The following ACAD9 variants were observed in gnomAD, a reference collection of about 807,000 sequenced individuals.
ACAD9 encodes the protein acyl-CoA dehydrogenase family member 9, also known as complex I assembly factor ACAD9, mitochondrial.
Under a neutral mutation model 70.2 loss-of-function variants are expected in ACAD9, and 53 were observed. The observed-to-expected ratio is 0.75, with a 90% CI of 0.61 to 0.95. The LOEUF (loss-of-function observed/expected upper bound fraction) is 0.95, where lower values mean the gene tolerates loss of function less well. ACAD9 is among the 40% of genes least tolerant of loss of function. The probability of loss-of-function intolerance (pLI) is 0.00; values close to 1 mark genes in which losing one functional copy is unlikely to be tolerated. For missense variants in ACAD9, 777 were observed against 802.8 expected, an observed-to-expected ratio of 0.97 and a Z score of 0.39; for synonymous variants, 313 against 312.1, an observed-to-expected ratio of 1.00 and a Z score of -0.03.
intron 12 of ACAD9, among the ~76,000 whole-genome samples, chr3:128,906,605 C>T (rs527825254): frequency 1.4e-4 from 22 of 152,272 alleles, no homozygotes; most frequent in East Asian, 5.8e-4. Context: ...GTGAAGCATG[C>T]GCTCCTGGCC....
intron 2 of ACAD9, 64 bp from the exon 3 acceptor site, chr3:128,893,491 C>T (rs756854166): frequency 2.1e-5 from 26 of 1,233,980 alleles, no homozygotes; most frequent in Non-Finnish European, 3.1e-5. Context: ...AAACACTGTC[C>T]TGTTTACTTA....
chr3:128,892,783 C>T (rs1021028263), intron 2 of ACAD9, among the ~76,000 whole-genome samples: 1 of 152,200 alleles, frequency 6.6e-6, no homozygotes, highest in African/African-American at 2.4e-5. Context: ...AACCTTGGCC[C>T]AGATACTGCC....
intron 6 of ACAD9, 124 bp downstream of exon 6, chr3:128,897,834 G>C (rs773429161): frequency 8.6e-5 from 76 of 879,644 alleles, no homozygotes; most frequent in Non-Finnish European, 1.3e-4. Context: ...TTCTTGAGCT[G>C]CTTTTATGTG....
chr3:128,893,725 G>T, intron 3 of ACAD9, 69 bp downstream of exon 3: 1 of 1,346,172 alleles, frequency 7.4e-7, no homozygotes, highest in Non-Finnish European at 1.1e-6. Flanking sequence ...GTCCATAACA[G>T]GTCTAGTTGC....
chr3:128,910,788 C>T lies in ACAD9; in HGVS notation c.1740C>T (p.Leu580=), dbSNP rs1397918512. ...GCGTGGAAGCTTACTTGCAGAATCTCTTCAGCCTCTCTCAGCTGGACAAGT... is the reference window on the plus strand; with the variant it reads ...GCGTGGAAGCTTACTTGCAGAATCTTTTCAGCCTCTCTCAGCTGGACAAGT... ...TFCVEAYLQN[L]FSLSQLDKYA... The change falls in exon 17 of 18, where the codon CTC becomes CTT. Residue 580 remains leucine (L), a synonymous_variant. Transcript: ENST00000308982. The T allele has an allele frequency of 6.2e-6, 10 of 1,614,098 alleles. No individual in the cohort carries two copies. The highest frequency in any genetic ancestry group is 2.2e-5 in the East Asian group (1 of 44,884).
intron 4 of ACAD9, among the ~76,000 whole-genome samples, chr3:128,895,977 C>T (rs1216217998): frequency 6.6e-6 from 1 of 152,236 alleles, no homozygotes; most frequent in Admixed American, 6.5e-5. Context: ...CTTTGTGGCA[C>T]TGGGAGGGCA....
chr3:128,905,176 T>A (rs1444731202), intron 11 of ACAD9, among the ~76,000 whole-genome samples: 1 of 151,704 alleles, frequency 6.6e-6, no homozygotes, highest in East Asian at 1.9e-4. Context: ...AAAAAACATG[T>A]ATGAGCCTGG....
chr3:128,884,309 G>A (rs1935181909), intron 1 of ACAD9, among the ~76,000 whole-genome samples: 1 of 152,200 alleles, frequency 6.6e-6, no homozygotes. Flanking sequence ...CACATAATGA[G>A]TAAGCCTGAA....
At chr3:128,884,260 AAG>A (rs1337516601) in intron 1 of ACAD9, among the ~76,000 whole-genome samples, 1 of 152,176 alleles carries the variant, frequency 6.6e-6, no homozygotes, top group African/African-American at 2.4e-5. Flanking sequence ...ATGGGTGAGA[AAG>A]GGGTAGTTTA....
rs760045117 is a variant in ACAD9 at position 128,879,777 on chromosome 3, T to C, written c.86T>C (p.Leu29Pro). 13 of 1,613,628 alleles carry C rather than the reference T, an allele frequency of 8.1e-6. No individual in the cohort carries two copies. Among genetic ancestry groups the C allele is most frequent in the South Asian group, 2.2e-5 (2 of 91,086 alleles). The part of the protein sequence containing the change: ...GLVVSTANRR[L>P]LRTSPPVRAF... ...GTGGTCTCTACCGCGAACCGGCGGC[T>C]ACTGCGCACCAGCCCGCCTGTACGA... The change falls in exon 1 of 18, where the codon CTA (leucine) becomes CCA (proline). Residue 29 changes from leucine (L) to proline (P), a missense_variant. Transcript: ENST00000308982.
chr3:128,896,970 A>G (rs1245948859), intron 5 of ACAD9, among the ~76,000 whole-genome samples: 1 of 152,150 alleles, frequency 6.6e-6, no homozygotes, highest in Non-Finnish European at 1.5e-5. Flanking sequence ...CACCTGGACC[A>G]TCCTCCATCC....
intron 2 of ACAD9, among the ~76,000 whole-genome samples, chr3:128,890,357 A>G (rs184672367): frequency 6.6e-6 from 1 of 152,044 alleles, no homozygotes; most frequent in East Asian, 2.0e-4. Context: ...TAGTGCTCGG[A>G]TTACAGGTGA....
chr3:128,910,311 G>A (rs1240173645), intron 16 of ACAD9, 162 bp downstream of exon 16: 2 of 1,487,726 alleles, frequency 1.3e-6, no homozygotes, highest in Middle Eastern at 1.8e-4. Flanking sequence ...AGGAGATGGG[G>A]CTGTTCCCTT....
At chr3:128,885,034 G>T (rs1479869134) in intron 2 of ACAD9, among the ~76,000 whole-genome samples, 3 of 152,196 alleles carry the variant, frequency 2.0e-5, no homozygotes, top group African/African-American at 7.2e-5. Flanking sequence ...AAAATTAGAT[G>T]GCAAAAAGCC....
chr3:128,912,690 G>A lies in ACAD9; in HGVS notation c.*83G>A. The A allele has an allele frequency of 8.0e-6, 10 of 1,256,484 alleles. No homozygotes were observed. The highest frequency in any genetic ancestry group is 1.2e-5 in the Non-Finnish European group (10 of 856,694). The allele number at this position is 1,256,484 out of a possible 1,614,324, so 77.8% of individuals were successfully genotyped here. A position where few individuals can be genotyped will look rare whatever the true frequency, so the allele number is the denominator to read the frequency against. ...GACTGTTACTCTTTTTTCAGAAGGT[G>A]TTGGGATTATCACAGGTTAAGCCTT... On this transcript the variant is annotated 3_prime_UTR_variant, in exon 18 of 18. Coordinates refer to ENST00000308982, the MANE Select transcript of ACAD9 (RefSeq NM_014049.5).
intron 12 of ACAD9, among the ~76,000 whole-genome samples, chr3:128,906,983 G>A (rs926848463): frequency 2.6e-5 from 4 of 152,184 alleles, no homozygotes; most frequent in African/African-American, 7.2e-5. Context: ...ACATGTGGAC[G>A]GGGCTCATGT....
At chr3:128,905,417 T>C (rs1310476771) in intron 11 of ACAD9, among the ~76,000 whole-genome samples, 2 of 152,218 alleles carry the variant, frequency 1.3e-5, no homozygotes, top group African/African-American at 4.8e-5. Context: ...CCCCCACAAT[T>C]GTTTTTAAGC....
chr3:128,902,768 T>C lies in ACAD9; in HGVS notation c.958+140T>C. On this transcript the variant is annotated intron_variant, in intron 9 of 17. Coordinates refer to ENST00000308982, the MANE Select transcript of ACAD9 (RefSeq NM_014049.5). The surrounding 1 kb of genome is among the most constrained non-coding windows in gnomAD (Gnocchi z 4.0). ...CAGCCTGAGCTCAGTCCCTGGGCTT[T>C]TGTGGAGACCAGAGGGTCTCCTCAG... The C allele has an allele frequency of 1.0e-6, 1 of 965,362 alleles. No homozygotes were observed. Among genetic ancestry groups the C allele is most frequent in the Non-Finnish European group, 1.6e-6 (1 of 616,946 alleles). 59.8% of individuals were successfully genotyped at this position (965,362 alleles called of 1,614,324 possible). A position where few individuals can be genotyped will look rare whatever the true frequency, so the allele number is the denominator to read the frequency against.
At chr3:128,905,661 G>A (rs73210611) in intron 11 of ACAD9, among the ~76,000 whole-genome samples, 6,316 of 152,308 alleles carry the variant, frequency 0.041, 174 homozygotes, top group Non-Finnish European at 0.058. Context: ...TTATCATCTC[G>A]TTTTCTTGTC....
Sources: allele counts gnomAD v4.1 joint callset (sites outside exome capture counted in the v4.1 genomes callset), GRCh38; gene constraint gnomAD v4.1.1; non-coding constraint Gnocchi (gnomAD v3.1); transcripts MANE v1.5; gene names NCBI Gene and HGNC (gene_info 2026-07-23, HGNC 2026-07-21).